ZDHHC24: variants seen among roughly 807,000 people sequenced by gnomAD.
ZDHHC24 encodes zDHHC palmitoyltransferase 24, also known as probable palmitoyltransferase ZDHHC24.
ZDHHC24 carries 17 observed loss-of-function variants against 23.2 expected under a neutral mutation model. The observed-to-expected ratio is 0.73, with a 90% CI of 0.50 to 1.10. The LOEUF (loss-of-function observed/expected upper bound fraction) is 1.10, where lower values mean the gene tolerates loss of function less well. ZDHHC24 is among the 50% of genes least tolerant of loss of function. The pLI is 0.00. For missense variants in ZDHHC24, 366 were observed against 393.0 expected, an observed-to-expected ratio of 0.93 and a Z score of 0.58; for synonymous variants, 186 against 194.5, an observed-to-expected ratio of 0.96 and a Z score of 0.36.
In ZDHHC24 at chr11:66,539,302, TAGGCGG is replaced by T; in HGVS notation, c.*221_*226del. The T allele has an allele frequency of 8.0e-7, 1 of 1,254,218 alleles. No homozygotes were observed. Among genetic ancestry groups the T allele is most frequent in the Non-Finnish European group, 1.0e-6 (1 of 1,001,860 alleles). 77.7% of individuals were successfully genotyped at this position (1,254,218 alleles called of 1,614,324 possible). A position where few individuals can be genotyped will look rare whatever the true frequency, so the allele number is the denominator to read the frequency against. On this transcript the variant is annotated 3_prime_UTR_variant, in exon 3 of 3. Coordinates refer to ENST00000310442, the MANE Select transcript of ZDHHC24 (RefSeq NM_207340.3). ...TTTATTAACCTGGCAAAGGGGCAGC[TAGGCGG>T]CCTGAGCAGCCCCTGCCAGACCCTC...
At chr11:66,539,857 G>A in intron 2 of ZDHHC24, 33 bp from the exon 3 acceptor site, 1 of 1,525,902 alleles carries the variant, frequency 6.6e-7, no homozygotes, top group Non-Finnish European at 8.8e-7. Context: ...GTCAGGGAGG[G>A]GCAGTGGGGT....
chr11:66,530,447 C>G (rs891392303), intron 2 of ZDHHC24, among the ~76,000 whole-genome samples: 1 of 152,110 alleles, frequency 6.6e-6, no homozygotes, highest in African/African-American at 2.4e-5. Context: ...GGGCTCGGAC[C>G]AGCCCTAAAT....
chr11:66,522,360 GACAGAGTC>G (rs1441646753), intron 4 of ZDHHC24, among the ~76,000 whole-genome samples: 3 of 146,586 alleles, frequency 2.0e-5, no homozygotes, highest in African/African-American at 5.1e-5. Flanking sequence ...TATTTTGTGA[GACAGAGTC>G]ACAGAGTCTC....
At position 66,545,872 on chromosome 11, in the gene ZDHHC24, C is replaced by T. The variant is rs1857305639; in HGVS notation, c.132G>A (p.Pro44=). The T allele has an allele frequency of 6.5e-7, 1 of 1,547,646 alleles. No homozygotes were observed. The highest frequency in any genetic ancestry group is 8.7e-7 in the Non-Finnish European group (1 of 1,152,726). Residue 44 remains proline (P), a synonymous_variant, in exon 1 of 3, where the codon CCG becomes CCA. Coordinates refer to ENST00000310442, the MANE Select transcript of ZDHHC24 (RefSeq NM_207340.3). The surrounding 1 kb of genome is among the most constrained non-coding windows in gnomAD (Gnocchi z 4.5). ...AYVLVLGPGP[P]PLGPLARALQ... ...AGGCCCGGGCCAGGGGTCCCAGCGG[C>T]GGCGGCCCGGGACCGAGCACCAGCA...
chr11:66,526,623 T>C, intron 4 of ZDHHC24: 1 of 1,614,084 alleles, frequency 6.2e-7, no homozygotes, highest in Non-Finnish European at 8.5e-7. Flanking sequence ...GGAGGACAAA[T>C]CCATTTCCAC....
downstream of ZDHHC24, chr11:66,531,032 C>T: frequency 6.2e-7 from 1 of 1,614,210 alleles, no homozygotes; most frequent in Non-Finnish European, 8.5e-7. Context: ...CTTCAAGGTA[C>T]TGGATGCTCC....
exon 4 of ZDHHC24, chr11:66,526,966 A>C: frequency 6.4e-7 from 1 of 1,556,312 alleles, no homozygotes; most frequent in South Asian, 1.2e-5. Context: ...CCTAGGAGGT[A>C]CACGTTGCCT....
At chr11:66,543,627 C>T (rs1565298123) in intron 2 of ZDHHC24, 77 bp downstream of exon 2, 1 of 1,456,378 alleles carries the variant, frequency 6.9e-7, no homozygotes, top group East Asian at 2.5e-5. Flanking sequence ...AAGCCCGTCT[C>T]CCACCAGAAT....
chr11:66,530,780 A>G (rs192214067), downstream of ZDHHC24: 1,958 of 1,455,718 alleles, frequency 1.3e-3, 27 homozygotes, highest in East Asian at 0.037. Flanking sequence ...TGGGAGGCAG[A>G]TTGAGTAGGA....
chr11:66,531,297 G>A (rs1367299433), downstream of ZDHHC24, among the ~76,000 whole-genome samples: 1 of 152,196 alleles, frequency 6.6e-6, no homozygotes, highest in East Asian at 1.9e-4. Context: ...GCTAGAGCCT[G>A]AACCCCACCT....
chr11:66,521,837 G>A (rs541566742), intron 4 of ZDHHC24, among the ~76,000 whole-genome samples: 190 of 150,504 alleles, frequency 1.3e-3, no homozygotes, highest in African/African-American at 4.4e-3. Flanking sequence ...CCCAGGAGGC[G>A]GAGGTTGCAG....
In ZDHHC24 at chr11:66,545,887, G is replaced by A. The variant is rs998949748; in HGVS notation, c.117C>T (p.Leu39=). 3.9e-6 allele frequency: 6 copies of A among 1,543,936 alleles called. No individual in the cohort carries two copies. Among genetic ancestry groups the A allele is most frequent in the Admixed American group, 1.9e-5 (1 of 52,830 alleles). Residue 39 remains leucine, a synonymous_variant, in exon 1 of 3, where the codon CTC becomes CTT. Transcript: ENST00000310442. This position sits in a 1 kb window ranked among gnomAD's most constrained non-coding sequence, Gnocchi z 4.5. ...VGLELAYVLV[L]GPGPPPLGPL... ...GTCCCAGCGGCGGCGGCCCGGGACC[G>A]AGCACCAGCACGTAAGCCAGCTCCA...
At chr11:66,521,773 C>T (rs935459688) in intron 4 of ZDHHC24, among the ~76,000 whole-genome samples, 4 of 151,328 alleles carry the variant, frequency 2.6e-5, no homozygotes, top group South Asian at 2.1e-4. Context: ...GGCATGGTGG[C>T]GCATGCCTCT....
chr11:66,525,363 C>CA (rs1253574957), intron 4 of ZDHHC24, among the ~76,000 whole-genome samples: 5 of 150,700 alleles, frequency 3.3e-5, no homozygotes, highest in South Asian at 2.1e-4. Context: ...TGTCTCAAAA[C>CA]AAAAAAACAA....
At chr11:66,528,132 C>T (rs935628458) in intron 3 of ZDHHC24, among the ~76,000 whole-genome samples, 2 of 152,154 alleles carry the variant, frequency 1.3e-5, no homozygotes, top group East Asian at 1.9e-4. Context: ...AGGAGAATCA[C>T]TTGAACCTAG....
In ZDHHC24 at chr11:66,543,905, G is replaced by A. The variant is rs991202417; in HGVS notation, c.358C>T (p.Arg120Trp). 15 of 1,614,038 alleles carry A rather than the reference G, an allele frequency of 9.3e-6. No homozygotes were observed. The highest frequency in any genetic ancestry group is 3.3e-5 in the South Asian group (3 of 91,050). Residue 120 changes from arginine to tryptophan, a missense_variant, in exon 2 of 3, where the codon CGG becomes TGG. By Grantham distance (101) the Arg-to-Trp change is moderately radical (BLOSUM62 -3). Transcript: ENST00000310442. ...CSACRVCILR[R>W]DHHCRLLGRC... ...CCCAGCAGGCGGCAGTGGTGGTCCC[G>A]ACGCAGGATGCAGACGCGGCAGGCA... is the stretch of plus-strand genomic sequence containing the variant.
At chr11:66,526,748 T>G (rs1260149095) in intron 4 of ZDHHC24, 1 of 1,614,214 alleles carries the variant, frequency 6.2e-7, no homozygotes, top group East Asian at 2.2e-5. Flanking sequence ...AAACTCAATG[T>G]GCCCCGAAAG....
At position 66,539,141 on chromosome 11, in the gene ZDHHC24, G is replaced by T; in HGVS notation, c.*388C>A. On this transcript the variant is annotated 3_prime_UTR_variant, in exon 3 of 3. Transcript: ENST00000310442. ...CAACTCACCCAGGCCAGGGGAGGTAGAGCCCCAGCCCCTGAGACCCTCAGG... is the reference window on the plus strand; with the variant it reads ...CAACTCACCCAGGCCAGGGGAGGTATAGCCCCAGCCCCTGAGACCCTCAGG... 1 of 799,900 alleles carries T rather than the reference G, an allele frequency of 1.3e-6. No homozygotes were observed. The highest frequency in any genetic ancestry group is 1.5e-6 in the Non-Finnish European group (1 of 655,752). 49.6% of individuals were successfully genotyped at this position (799,900 alleles called of 1,614,324 possible).
chr11:66,525,381 AAAAT>A (rs1047451406), intron 4 of ZDHHC24, among the ~76,000 whole-genome samples: 15 of 150,766 alleles, frequency 9.9e-5, no homozygotes, highest in Non-Finnish European at 1.5e-4. Flanking sequence ...CAAAACAACA[AAAAT>A]AAATAAATAA....
Sources: gnomAD v4.1 joint callset for allele counts (sites outside exome capture counted in the v4.1 genomes callset) on GRCh38, gnomAD v4.1.1 for gene constraint, Gnocchi (gnomAD v3.1) non-coding constraint, MANE v1.5 for transcripts, NCBI Gene and HGNC (gene_info 2026-07-23, HGNC 2026-07-21) for gene names.